The following RNF220 variants were observed in gnomAD, a reference collection of about 807,000 sequenced individuals.
The protein encoded by RNF220 is E3 ubiquitin-protein ligase RNF220.
Under a neutral mutation model 67.1 loss-of-function variants are expected in RNF220, and 7 were observed. The ratio of observed to expected loss-of-function variants is 0.10; its 90% CI spans 0.06 to 0.20. The LOEUF (loss-of-function observed/expected upper bound fraction) is 0.20. RNF220 is among the 10% of genes least tolerant of loss of function. The pLI, the probability that RNF220 is intolerant of heterozygous loss-of-function variation, is 1.00. For synonymous variants in RNF220, 270 were observed against 283.2 expected (o/e 0.95, Z 0.47); for missense variants, 565 against 740.3 (o/e 0.76, Z 2.75).
Position 44,622,412 on chromosome 1 carries a change from G to A in RNF220, c.759-330G>A, listed in dbSNP as rs1356711779. 2.0e-5 allele frequency among the ~76,000 whole-genome samples: 3 copies of A among 152,324 alleles called. No individual in the cohort carries two copies. The highest frequency in any genetic ancestry group is 1.9e-4 in the East Asian group (1 of 5,192). On this transcript the variant is annotated intron_variant, in intron 3 of 14. Transcript: ENST00000361799. This position sits in a 1 kb window ranked among gnomAD's most constrained non-coding sequence, Gnocchi z 4.3. ...GGGAACAGGGGGTGGAGAGAAGGGG[G>A]TCTCCAGGACAGGCAGAATCTTCAG...
At chr1:44,458,258 T>TA (rs547877766) in intron 2 of RNF220, among the ~76,000 whole-genome samples, 4,401 of 145,878 alleles carry the variant, frequency 0.03, 74 homozygotes, top group Middle Eastern at 0.063. Flanking sequence ...CACTGTCTCT[T>TA]AAAAAAAAAA....
At chr1:44,446,523 G>C (rs568099580) in intron 2 of RNF220, among the ~76,000 whole-genome samples, 1 of 151,018 alleles carries the variant, frequency 6.6e-6, no homozygotes, top group African/African-American at 2.4e-5. Context: ...GACTGTCTTT[G>C]CTCAAAAAGA....
At chr1:44,466,826 T>C (rs991847201) in intron 2 of RNF220, among the ~76,000 whole-genome samples, 1 of 152,256 alleles carries the variant, frequency 6.6e-6, no homozygotes, top group Non-Finnish European at 1.5e-5. Flanking sequence ...GTTCCATTTA[T>C]AGAGCATAGG....
intron 6 of RNF220, 68 bp downstream of exon 6, chr1:44,632,453 C>G (rs975973486): frequency 8.2e-6 from 12 of 1,464,906 alleles, no homozygotes; most frequent in South Asian, 4.9e-5. Context: ...CACTGCCTGC[C>G]GCTCCTGGCT....
At chr1:44,424,708 C>T (rs1038149002) in intron 2 of RNF220, among the ~76,000 whole-genome samples, 1 of 152,216 alleles carries the variant, frequency 6.6e-6, no homozygotes, top group Non-Finnish European at 1.5e-5. Context: ...TGCCACTGCT[C>T]CTCCTCGGAT....
chr1:44,458,798 T>C (rs758044973), intron 2 of RNF220, among the ~76,000 whole-genome samples: 3 of 152,186 alleles, frequency 2.0e-5, no homozygotes, highest in Non-Finnish European at 4.4e-5. Flanking sequence ...ACTCAGCTGG[T>C]AAAAGTGGAA....
At chr1:44,517,310 C>A (rs555609619) in intron 2 of RNF220, among the ~76,000 whole-genome samples, 7 of 152,256 alleles carry the variant, frequency 4.6e-5, no homozygotes, top group African/African-American at 1.4e-4. Flanking sequence ...TTCCCGGACC[C>A]CCATCTCTCC....
intron 1 of RNF220, among the ~76,000 whole-genome samples, chr1:44,410,901 ACACTTTGGAATGGAAC>A (rs754957203): frequency 2.8e-4 from 42 of 152,168 alleles, no homozygotes; most frequent in Non-Finnish European, 5.3e-4. Flanking sequence ...CACTCAAAAT[ACACTTTGGAATGGAAC>A]CACTGACTAT....
intron 2 of RNF220, among the ~76,000 whole-genome samples, chr1:44,499,147 C>T (rs1657607146): frequency 6.6e-6 from 1 of 152,150 alleles, no homozygotes; most frequent in African/African-American, 2.4e-5. Flanking sequence ...CCTAATGTAG[C>T]TTAGATTATC....
At chr1:44,491,273 A>G (rs1243010172) in intron 2 of RNF220, among the ~76,000 whole-genome samples, 1 of 152,160 alleles carries the variant, frequency 6.6e-6, no homozygotes, top group Non-Finnish European at 1.5e-5. Flanking sequence ...CCAGGCAAAC[A>G]TATCACAAAA....
rs11210991 is a variant in RNF220 at position 44,412,837 on chromosome 1, C to G, written c.625+115C>G. ...TAGTAATAGGAAGGGCCAACTACTT[C>G]CCTTTCACTAGCTGTGGAGTGCTAA... On this transcript the variant is annotated intron_variant, in intron 2 of 14. Transcript: ENST00000361799. This position sits in a 1 kb window ranked among gnomAD's most constrained non-coding sequence, Gnocchi z 5.3. 535,229 of 1,134,114 alleles carry G rather than the reference C, an allele frequency of 0.47. 133,502 individuals are homozygous for G. Among genetic ancestry groups the G allele is most frequent in the Non-Finnish European group, 0.52 (408,463 of 789,488 alleles). The allele number at this position is 1,134,114 out of a possible 1,614,324, so 70.3% of individuals were successfully genotyped here.
chr1:44,459,408 A>G (rs1263145828), intron 2 of RNF220, among the ~76,000 whole-genome samples: 1 of 152,048 alleles, frequency 6.6e-6, no homozygotes, highest in Non-Finnish European at 1.5e-5. Context: ...AATGTCTTCT[A>G]CCCAATTTCC....
At position 44,622,199 on chromosome 1, in the gene RNF220, G is replaced by A. The variant is rs573274148; in HGVS notation, c.759-543G>A. Among the ~76,000 whole-genome samples the A allele has an allele frequency of 2.5e-3, 385 of 152,058 alleles. 1 individual carries two copies. The highest frequency in any genetic ancestry group is 8.8e-3 in the African/African-American group (365 of 41,486). On this transcript the variant is annotated intron_variant, in intron 3 of 14. Coordinates refer to ENST00000361799, the MANE Select transcript of RNF220 (RefSeq NM_018150.4). The surrounding 1 kb of genome is among the most constrained non-coding windows in gnomAD (Gnocchi z 4.3). ...CCCCAGCCCCCGCCTGCTCTGAGCC[G>A]CCCACCATATTTCAGGGCCCAGCTC...
At chr1:44,506,243 G>C (rs116193037) in intron 2 of RNF220, among the ~76,000 whole-genome samples, 1,799 of 152,340 alleles carry the variant, frequency 0.012, 35 homozygotes, top group African/African-American at 0.041. Flanking sequence ...AGAAGGACTT[G>C]GGAGGGTGGC....
intron 2 of RNF220, among the ~76,000 whole-genome samples, chr1:44,511,916 C>CGTGTGTGTGTGTGT (rs71728249): frequency 0.029 from 4,267 of 147,760 alleles, 94 homozygotes; most frequent in African/African-American, 0.054. Context: ...CGTGTGTGTG[C>CGTGTGTGTGTGTGT]GTGTGTGTGT....
chr1:44,512,969 T>A (rs950855307), intron 2 of RNF220, among the ~76,000 whole-genome samples: 1 of 152,168 alleles, frequency 6.6e-6, no homozygotes, highest in East Asian at 1.9e-4. Context: ...ACCCACCCAA[T>A]GGTCCAGGCA....
intron 2 of RNF220, among the ~76,000 whole-genome samples, chr1:44,570,132 G>A (rs928457776): frequency 2.0e-5 from 3 of 152,174 alleles, no homozygotes; most frequent in South Asian, 2.1e-4. Flanking sequence ...AGAGCTGAGC[G>A]AAGTTCAGAC....
rs1244209852 is a variant in RNF220 at position 44,565,810 on chromosome 1, C to A, written c.626-48355C>A. On this transcript the variant is annotated intron_variant, in intron 2 of 14. Coordinates refer to ENST00000361799, the MANE Select transcript of RNF220 (RefSeq NM_018150.4). This position sits in a 1 kb window ranked among gnomAD's most constrained non-coding sequence, Gnocchi z 4.2. ...GGGACTGGATCTGGAGACTCCCATCCCCGTCCTGCAACCCAGTCCTCCTGC... is the reference window on the plus strand; with the variant it reads ...GGGACTGGATCTGGAGACTCCCATCACCGTCCTGCAACCCAGTCCTCCTGC... Among the ~76,000 whole-genome samples, 2 of 152,152 alleles carry A rather than the reference C, an allele frequency of 1.3e-5. No individual in the cohort carries two copies. The highest frequency in any genetic ancestry group is 2.9e-5 in the Non-Finnish European group (2 of 68,024).
intron 2 of RNF220, among the ~76,000 whole-genome samples, chr1:44,566,927 G>C (rs997610404): frequency 6.6e-6 from 1 of 152,232 alleles, no homozygotes; most frequent in African/African-American, 2.4e-5. Flanking sequence ...AGAAAGCTGA[G>C]CCAGCCTCGT....
Sources: gnomAD v4.1 joint callset for allele counts (sites outside exome capture counted in the v4.1 genomes callset) on GRCh38, gnomAD v4.1.1 for gene constraint, Gnocchi (gnomAD v3.1) non-coding constraint, MANE v1.5 for transcripts, NCBI Gene and HGNC (gene_info 2026-07-23, HGNC 2026-07-21) for gene names.